GNAS-AS1: variants seen among roughly 807,000 people sequenced by gnomAD.
The protein encoded by GNAS-AS1 is GNAS antisense RNA 1 (non-protein coding).
Position 58,840,518 on chromosome 20 carries a change from G to T in GNAS-AS1, n.819+1419C>A. 6.2e-7 allele frequency: 1 copy of T among 1,613,562 alleles called. No homozygotes were observed. Among genetic ancestry groups the T allele is most frequent in the Admixed American group, 1.7e-5 (1 of 60,014 alleles). On this transcript the variant is annotated intron_variant and non_coding_transcript_variant, in intron 4 of 4. Coordinates refer to ENST00000424094, the Ensembl canonical transcript of GNAS-AS1. This position sits in a 1 kb window ranked among gnomAD's most constrained non-coding sequence, Gnocchi z 6.0. Reference sequence around the variant, plus strand: ...TGAGACCGCCCCCACCACTGAGCCCGAGACCGAGCCTGAAGACGATCGCGG... The same window carrying T: ...TGAGACCGCCCCCACCACTGAGCCCTAGACCGAGCCTGAAGACGATCGCGG...
rs1305941002 is a variant in GNAS-AS1, at chr20:58,841,228, C to T, written n.819+709G>A. The T allele has an allele frequency of 2.6e-6, 2 of 781,420 alleles. No individual in the cohort carries two copies. Among genetic ancestry groups the T allele is most frequent in the African/African-American group, 3.6e-5 (2 of 55,388 alleles). 48.4% of individuals were successfully genotyped at this position (781,420 alleles called of 1,614,324 possible). ...GCACACCCAAACGGCATTGGTAAGT[C>T]ACTTGTTTTGCGCGCTTTTCTTCCT... On this transcript the variant is annotated intron_variant and non_coding_transcript_variant, in intron 4 of 4. Transcript: ENST00000424094. The surrounding 1 kb of genome is among the most constrained non-coding windows in gnomAD (Gnocchi z 5.0).
chr20:58,833,544 C>T lies in GNAS-AS1; in HGVS notation n.819+8393G>A, dbSNP rs1215621590. 7.2e-5 allele frequency among the ~76,000 whole-genome samples: 11 copies of T among 152,254 alleles called. No homozygotes were observed. The East Asian group carries it at 1.9e-3, about 27-fold the overall frequency. ...GTGGAGGTGACCTTGTAGACCAACC[C>T]ATCCAACACCTCAGGGTTCTCATAC... On this transcript the variant is annotated intron_variant and non_coding_transcript_variant, in intron 4 of 4. Transcript: ENST00000424094.
Position 58,840,629 on chromosome 20 carries a change from C to T in GNAS-AS1, n.819+1308G>A. The T allele has an allele frequency of 6.2e-7, 1 of 1,606,852 alleles. No individual in the cohort carries two copies. The highest frequency in any genetic ancestry group is 8.5e-7 in the Non-Finnish European group (1 of 1,178,094). ...CAAGTTGCGAAGCCCCGACGCCTCC[C>T]CAAGTCGCGCGCCGCCCAGCACTCA... On this transcript the variant is annotated intron_variant and non_coding_transcript_variant, in intron 4 of 4. Transcript: ENST00000424094. This position sits in a 1 kb window ranked among gnomAD's most constrained non-coding sequence, Gnocchi z 6.0.
chr20:58,841,910 G>T lies in GNAS-AS1; in HGVS notation n.819+27C>A. Reference sequence around the variant, plus strand: ...AACAAGGGACAGGCTGGAGACGGGGGTCGCGTCTAACATCAGGATAACTTA... The same window carrying T: ...AACAAGGGACAGGCTGGAGACGGGGTTCGCGTCTAACATCAGGATAACTTA... On this transcript the variant is annotated intron_variant and non_coding_transcript_variant, in intron 4 of 4. Coordinates refer to ENST00000424094, the Ensembl canonical transcript of GNAS-AS1. This position sits in a 1 kb window ranked among gnomAD's most constrained non-coding sequence, Gnocchi z 5.0. 8.2e-7 allele frequency: 1 copy of T among 1,224,754 alleles called. No individual in the cohort carries two copies. The highest frequency in any genetic ancestry group is 1.0e-6 in the Non-Finnish European group (1 of 981,616). The allele number at this position is 1,224,754 out of a possible 1,614,324, so 75.9% of individuals were successfully genotyped here.
In GNAS-AS1 at chr20:58,840,906, A is replaced by G. The variant is rs1320386776; in HGVS notation, n.819+1031T>C. On this transcript the variant is annotated intron_variant and non_coding_transcript_variant, in intron 4 of 4. Transcript: ENST00000424094. This position sits in a 1 kb window ranked among gnomAD's most constrained non-coding sequence, Gnocchi z 6.0. The stretch of plus-strand genomic sequence containing the variant: ...ATTCAGGTTAGTTGCCCACCGCTAA[A>G]CTGGGGAGCCTGAGGGCGGTGTGGG... 3.7e-6 allele frequency: 6 copies of G among 1,611,412 alleles called. No homozygotes were observed. Among genetic ancestry groups the G allele is most frequent in the Non-Finnish European group, 4.2e-6 (5 of 1,179,356 alleles).
chr20:58,849,467 G>C (rs542221257), intron 1 of GNAS-AS1, among the ~76,000 whole-genome samples: 1 of 152,162 alleles, frequency 6.6e-6, no homozygotes, highest in Non-Finnish European at 1.5e-5. Context: ...TTGTAAGTAC[G>C]ATTGCCAATT....
Position 58,840,686 on chromosome 20 carries a change from C to T in GNAS-AS1, n.819+1251G>A. On this transcript the variant is annotated intron_variant and non_coding_transcript_variant, in intron 4 of 4. Coordinates refer to ENST00000424094, the Ensembl canonical transcript of GNAS-AS1. This position sits in a 1 kb window ranked among gnomAD's most constrained non-coding sequence, Gnocchi z 6.0. Reference sequence around the variant, plus strand: ...CCAGAGCCCCAGGGAAGGGGAGGAGCTCAAGCCCGAGGACAAAGATCCAAG... The same window carrying T: ...CCAGAGCCCCAGGGAAGGGGAGGAGTTCAAGCCCGAGGACAAAGATCCAAG... The T allele has an allele frequency of 6.2e-7, 1 of 1,604,484 alleles. No individual in the cohort carries two copies. The highest frequency in any genetic ancestry group is 8.5e-7 in the Non-Finnish European group (1 of 1,179,568).
At chr20:58,830,493 T>C (rs878969243) in intron 4 of GNAS-AS1, among the ~76,000 whole-genome samples, 102 of 5,028 alleles carry the variant, frequency 0.02, no homozygotes, top group Admixed American at 0.034. Context: ...ATCACCACCA[T>C]CACCACCACA....
intron 4 of GNAS-AS1, chr20:58,839,617 G>GGTCT: frequency 2.4e-6 from 1 of 420,558 alleles, no homozygotes; most frequent in Non-Finnish European, 4.2e-6. Flanking sequence ...GGCCCACTAG[G>GGTCT]GTCTGCGCCA....
intron 4 of GNAS-AS1, among the ~76,000 whole-genome samples, chr20:58,830,507 CCATCAT>C (rs1456875976): frequency 1.2e-5 from 1 of 80,704 alleles, no homozygotes. Flanking sequence ...CACCACACCA[CCATCAT>C]CACCACCACA....
At chr20:58,824,923 T>C (rs930820223) in intron 4 of GNAS-AS1, among the ~76,000 whole-genome samples, 1 of 152,130 alleles carries the variant, frequency 6.6e-6, no homozygotes, top group Non-Finnish European at 1.5e-5. Context: ...GGTGAGTGGA[T>C]GGGTTCTGTG....
chr20:58,818,975 A>G lies in GNAS-AS1; in HGVS notation n.1100T>C, dbSNP rs916556424. On this transcript the variant is annotated non_coding_transcript_exon_variant, in exon 5 of 5. Coordinates refer to ENST00000424094, the Ensembl canonical transcript of GNAS-AS1. The stretch of plus-strand genomic sequence containing the variant: ...CTTTATTCAACACTAGATACGCCCC[A>G]TCTCCAATTCTAATGGACATGTGCA... 8 of 398,444 alleles carry G rather than the reference A, an allele frequency of 2.0e-5. No homozygotes were observed. The Admixed American group carries it at 3.1e-4, about 15-fold the overall frequency. The allele number at this position is 398,444 out of a possible 1,614,324, so 24.7% of individuals were successfully genotyped here.
In GNAS-AS1 at chr20:58,840,744, A is replaced by G; in HGVS notation, n.819+1193T>C. Reference sequence around the variant, plus strand: ...GAAGAGTCGAAGGAGCCCAAGGAGGAGAAGCAGCGGCGTCGCTGCAAGCCA... The same window carrying G: ...GAAGAGTCGAAGGAGCCCAAGGAGGGGAAGCAGCGGCGTCGCTGCAAGCCA... On this transcript the variant is annotated intron_variant and non_coding_transcript_variant, in intron 4 of 4. Transcript: ENST00000424094. This position sits in a 1 kb window ranked among gnomAD's most constrained non-coding sequence, Gnocchi z 6.0. 1 of 1,605,836 alleles carries G rather than the reference A, an allele frequency of 6.2e-7. No individual in the cohort carries two copies. Among genetic ancestry groups the G allele is most frequent in the Non-Finnish European group, 8.5e-7 (1 of 1,179,564 alleles).
At position 58,840,106 on chromosome 20, in the gene GNAS-AS1, G is replaced by A. The variant is rs374513507; in HGVS notation, n.819+1831C>T. The A allele has an allele frequency of 4.3e-6, 7 of 1,610,412 alleles. No homozygotes were observed. Among genetic ancestry groups the A allele is most frequent in the Non-Finnish European group, 5.9e-6 (7 of 1,179,910 alleles). On this transcript the variant is annotated intron_variant and non_coding_transcript_variant, in intron 4 of 4. Coordinates refer to ENST00000424094, the Ensembl canonical transcript of GNAS-AS1. The surrounding 1 kb of genome is among the most constrained non-coding windows in gnomAD (Gnocchi z 6.0). ...CGGCTTCTCGGTGTGTGCCTAAGAGGATGGATCGGAGGTCCCGGGCTCAGC... is the reference window on the plus strand; with the variant it reads ...CGGCTTCTCGGTGTGTGCCTAAGAGAATGGATCGGAGGTCCCGGGCTCAGC...
rs1379926303 is a variant in GNAS-AS1 at position 58,841,577 on chromosome 20, C to G, written n.819+360G>C. On this transcript the variant is annotated intron_variant and non_coding_transcript_variant, in intron 4 of 4. Coordinates refer to ENST00000424094, the Ensembl canonical transcript of GNAS-AS1. This position sits in a 1 kb window ranked among gnomAD's most constrained non-coding sequence, Gnocchi z 5.0. ...GCCACAGCCCGCCTCCCGTCGCTCG[C>G]GGGACAGAGACCGCCTCAAAGAGCG... is the stretch of plus-strand genomic sequence containing the variant. The G allele has an allele frequency of 3.0e-6, 3 of 1,006,666 alleles. No individual in the cohort carries two copies. The highest frequency in any genetic ancestry group is 3.6e-6 in the Non-Finnish European group (3 of 844,602). 62.4% of individuals were successfully genotyped at this position (1,006,666 alleles called of 1,614,324 possible).
intron 1 of GNAS-AS1, chr20:58,850,417 G>A (rs2086111839): frequency 2.5e-6 from 1 of 397,538 alleles, no homozygotes; most frequent in Non-Finnish European, 4.4e-6. Context: ...CCCTGAACCC[G>A]TTCCTCGACA....
intron 4 of GNAS-AS1, among the ~76,000 whole-genome samples, chr20:58,830,498 A>G (rs1378270188): frequency 1.3e-4 from 4 of 29,856 alleles, no homozygotes; most frequent in Admixed American, 4.4e-4. Context: ...CACCATCACC[A>G]CCACACCACC....
exon 1 of GNAS-AS1, chr20:58,850,862 C>A (rs1600692642): frequency 2.5e-6 from 1 of 398,924 alleles, no homozygotes; most frequent in East Asian, 3.6e-5. Flanking sequence ...TTCCAACCAC[C>A]CCAGCAGCAC....
chr20:58,819,438 A>G (rs1419601969), intron 4 of GNAS-AS1, among the ~76,000 whole-genome samples: 3 of 152,214 alleles, frequency 2.0e-5, no homozygotes, highest in African/African-American at 7.2e-5. Context: ...TTCACGGGCA[A>G]TCTTTAGGCT....
Sources: gnomAD v4.1 joint callset for allele counts (sites outside exome capture counted in the v4.1 genomes callset) on GRCh38, gnomAD v4.1.1 for gene constraint, Gnocchi (gnomAD v3.1) non-coding constraint, MANE v1.5 for transcripts, NCBI Gene and HGNC (gene_info 2026-07-23, HGNC 2026-07-21) for gene names.